SAGE1: variants seen among roughly 807,000 people sequenced by gnomAD.
The protein encoded by SAGE1 is cancer/testis antigen 14.
SAGE1 carries 55 observed loss-of-function variants against 55.4 expected under a neutral mutation model. The observed-to-expected ratio is 0.99, with a 90% CI of 0.80 to 1.24. The LOEUF is 1.24. Ranked by LOEUF, SAGE1 falls within the 50% of genes most tolerant of loss-of-function variation. The pLI is 0.00. For synonymous variants in SAGE1, 240 were observed against 244.3 expected, an observed-to-expected ratio of 0.98 and a Z score of 0.17; for missense variants, 710 against 704.4, an observed-to-expected ratio of 1.01 and a Z score of -0.09.
At chrX:135,912,081 G>A in intron 18 of SAGE1, 128 bp downstream of exon 18, 2 of 1,109,900 alleles carry the variant, frequency 1.8e-6, no homozygotes, top group Non-Finnish European at 2.4e-6. Flanking sequence ...ATTTAGCATG[G>A]CTTTACTTTA....
chrX:135,893,868 G>A lies in SAGE1; in HGVS notation c.-1+87G>A, dbSNP rs2088540486. ...GGTAATATTGGCCGCATAGAATGAA[G>A]TAGTGTTCCTCCGTTATTTTTTGGA... On this transcript the variant is annotated intron_variant, in intron 1 of 19. Coordinates refer to ENST00000370709, the MANE Select transcript of SAGE1 (RefSeq NM_001381902.1). Among the ~76,000 whole-genome samples, 3 of 111,812 alleles carry A rather than the reference G, an allele frequency of 2.7e-5. No individual in the cohort carries two copies. In the South Asian group the frequency reaches 1.1e-3, roughly 42 times the overall value.
chrX:135,909,885 A>G, intron 14 of SAGE1, 106 bp downstream of exon 14: 10 of 979,698 alleles, frequency 1.0e-5, no homozygotes, highest in Non-Finnish European at 1.4e-5. Flanking sequence ...CATGAGTTCA[A>G]TTTGAGTGTT....
intron 11 of SAGE1, 51 bp downstream of exon 11, chrX:135,908,280 A>G: frequency 1.8e-6 from 2 of 1,112,378 alleles, no homozygotes. Context: ...ATATGAATGC[A>G]GTATCATAAA....
At chrX:135,911,503 G>A in intron 17 of SAGE1, 76 bp from the exon 18 acceptor site, 1 of 883,716 alleles carries the variant, frequency 1.1e-6, no homozygotes, top group South Asian at 2.3e-5. Context: ...CCTAGAAACT[G>A]GGCATCGGAG....
intron 2 of SAGE1, among the ~76,000 whole-genome samples, chrX:135,899,390 C>T (rs2148076004): frequency 8.9e-6 from 1 of 112,125 alleles, no homozygotes; most frequent in South Asian, 3.7e-4. Context: ...GCTTTGGTTA[C>T]TGTAGCCCTG....
intron 15 of SAGE1, 73 bp from the exon 16 acceptor site, chrX:135,910,342 G>T (rs2088873422): frequency 9.0e-7 from 1 of 1,110,388 alleles, no homozygotes; most frequent in Admixed American, 2.3e-5. Flanking sequence ...TAGATACTGA[G>T]CATCAGAGGG....
intron 11 of SAGE1, 53 bp downstream of exon 11, chrX:135,908,282 T>C: frequency 1.8e-6 from 2 of 1,103,515 alleles, no homozygotes; most frequent in Non-Finnish European, 1.2e-6. Context: ...ATGAATGCAG[T>C]ATCATAAATG....
chrX:135,911,110 A>G (rs1380176414), intron 16 of SAGE1, 82 bp from the exon 17 acceptor site: 1 of 1,053,033 alleles, frequency 9.5e-7, no homozygotes, highest in Non-Finnish European at 1.3e-6. Context: ...AACGTCCTGG[A>G]AACTGAGCAT....
At chrX:135,912,474 G>A in intron 19 of SAGE1, 60 bp downstream of exon 19, 2 of 1,185,512 alleles carry the variant, frequency 1.7e-6, no homozygotes, top group Non-Finnish European at 1.1e-6. Context: ...TTGGGACAGG[G>A]GCAGGAAAAA....
chrX:135,912,646 C>T lies in SAGE1; in HGVS notation c.2616-152C>T, dbSNP rs947961579. 2.5e-5 allele frequency: 27 copies of T among 1,097,811 alleles called. No individual in the cohort carries two copies. The African/African-American group carries it at 4.3e-4, about 18-fold the overall frequency. 90.5% of individuals were successfully genotyped at this position (1,097,811 alleles called of 1,213,427 possible). ...AGTGTATGTGGGCCCTCAGTTGACT[C>T]ACTTTGTATTTTTCTAGTTTGTATC... On this transcript the variant is annotated intron_variant, in intron 19 of 19. Transcript: ENST00000370709.
At chrX:135,904,865 C>T (rs782554232) in intron 4 of SAGE1, among the ~76,000 whole-genome samples, 1 of 111,309 alleles carries the variant, frequency 9.0e-6, no homozygotes, top group Non-Finnish European at 1.9e-5. Context: ...GGTTTCCACA[C>T]GCTACTGTCA....
At chrX:135,896,185 A>G in intron 1 of SAGE1, 58 bp from the exon 2 acceptor site, 2 of 844,297 alleles carry the variant, frequency 2.4e-6, no homozygotes, top group Non-Finnish European at 3.6e-6. Flanking sequence ...GTTACGTTCC[A>G]GTTATAAATC....
intron 19 of SAGE1, 175 bp from the exon 20 acceptor site, chrX:135,912,623 T>C: frequency 1.3e-6 from 1 of 752,270 alleles, no homozygotes; most frequent in Non-Finnish European, 1.6e-6. Flanking sequence ...AATCTGGGAG[T>C]GTATGTGGGC....
chrX:135,912,370 AG>A lies in SAGE1; in HGVS notation c.2572del (p.Val858SerfsTer21). ...LLEEVQGSMK[V>X]KRQFVEFTIK... ...TTGAAGAGGTACAAGGATCTATGAA[AG>A]TCAAGAGACAATTTGTTGAATTTAC... On this transcript the variant is annotated frameshift_variant, in exon 19 of 20. Coordinates refer to ENST00000370709, the MANE Select transcript of SAGE1 (RefSeq NM_001381902.1). LOFTEE classifies it low-confidence loss of function (END_TRUNC). The A allele has an allele frequency of 8.3e-7, 1 of 1,206,310 alleles. No homozygotes were observed. Among genetic ancestry groups the A allele is most frequent in the Non-Finnish European group, 1.1e-6 (1 of 893,584 alleles).
intron 4 of SAGE1, among the ~76,000 whole-genome samples, chrX:135,904,844 C>A (rs1291647707): frequency 2.7e-5 from 3 of 111,564 alleles, no homozygotes; most frequent in Non-Finnish European, 5.6e-5. Flanking sequence ...CACAGCTCAA[C>A]CTCTTCACTT....
intron 14 of SAGE1, 115 bp from the exon 15 acceptor site, chrX:135,909,915 T>A: frequency 1.0e-6 from 1 of 996,733 alleles, no homozygotes; most frequent in Non-Finnish European, 1.4e-6. Context: ...CCATCTGGCA[T>A]ATCCTCTCCG....
intron 2 of SAGE1, among the ~76,000 whole-genome samples, chrX:135,900,703 C>G (rs1199956127): frequency 9.0e-6 from 1 of 111,213 alleles, no homozygotes; most frequent in Non-Finnish European, 1.9e-5. Context: ...AAAGCTCGCC[C>G]TACCCCTACC....
rs782226584 is a variant in SAGE1, at chrX:135,910,048, A to G, written c.1742A>G (p.Asn581Ser). The change falls in exon 15 of 20, where the codon AAT becomes AGT. Residue 581 changes from asparagine (N) to serine (S), a missense_variant. By Grantham distance (46) the Asn-to-Ser change is conservative. Coordinates refer to ENST00000370709, the MANE Select transcript of SAGE1 (RefSeq NM_001381902.1). Reference protein sequence around the residue: ...TRDQYATVTHNVHEEKIKNGQ... With the variant: ...TRDQYATVTHSVHEEKIKNGQ... ...GTTCCAGATGCTACCGTCACTCACAATGTCCATGAAGAGAAGATTAAAAAT... is the reference window on the plus strand; with the variant it reads ...GTTCCAGATGCTACCGTCACTCACAGTGTCCATGAAGAGAAGATTAAAAAT... 2 of 1,209,805 alleles carry G rather than the reference A, an allele frequency of 1.7e-6. No individual in the cohort carries two copies. Among genetic ancestry groups the G allele is most frequent in the Non-Finnish European group, 1.1e-6 (1 of 894,296 alleles).
intron 17 of SAGE1, 99 bp from the exon 18 acceptor site, chrX:135,911,480 C>A: frequency 1.1e-6 from 1 of 873,274 alleles, no homozygotes; most frequent in Non-Finnish European, 1.6e-6. Context: ...CCTCTTGCTT[C>A]ATGAGATAAC....
Sources: gnomAD v4.1 joint callset for allele counts (sites outside exome capture counted in the v4.1 genomes callset) on GRCh38, gnomAD v4.1.1 for gene constraint, MANE v1.5 for transcripts, NCBI Gene and HGNC (gene_info 2026-07-23, HGNC 2026-07-21) for gene names.